The following LYRM1 variants were observed in gnomAD, a reference collection of about 807,000 sequenced individuals.
LYRM1 encodes LYR motif containing 1.
In LYRM1, 14 loss-of-function variants were observed where a neutral mutation model predicts 14.9. The observed-to-expected ratio is 0.94, with a 90% CI of 0.62 to 1.47. LYRM1 has a LOEUF of 1.47. Ranked by LOEUF, LYRM1 falls within the 40% of genes most tolerant of loss-of-function variation. LYRM1 has a pLI of 0.00. For synonymous variants in LYRM1, 43 were observed against 56.2 expected, an observed-to-expected ratio of 0.77 and a Z score of 1.05; for missense variants, 153 against 149.9, an observed-to-expected ratio of 1.02 and a Z score of -0.11.
At chr16:20,907,519 C>A (rs1224404884) in intron 1 of LYRM1, among the ~76,000 whole-genome samples, 1 of 152,088 alleles carries the variant, frequency 6.6e-6, no homozygotes, top group Non-Finnish European at 1.5e-5. Context: ...AGCCACCATG[C>A]CTGGCTAATG....
intron 1 of LYRM1, among the ~76,000 whole-genome samples, chr16:20,915,190 C>T (rs2082810516): frequency 6.6e-6 from 1 of 152,182 alleles, no homozygotes; most frequent in Non-Finnish European, 1.5e-5. Flanking sequence ...AACTGTACAT[C>T]AGCTGGGCAC....
At chr16:20,903,090 C>T (rs186074743) in intron 1 of LYRM1, among the ~76,000 whole-genome samples, 5 of 152,292 alleles carry the variant, frequency 3.3e-5, no homozygotes, top group Admixed American at 2.6e-4. Context: ...GAAGGGTTGG[C>T]CTAGATTTGA....
intron 1 of LYRM1, among the ~76,000 whole-genome samples, chr16:20,915,201 G>A (rs1596760089): frequency 2.0e-5 from 3 of 152,268 alleles, no homozygotes; most frequent in Admixed American, 1.3e-4. Context: ...AGCTGGGCAC[G>A]GTGGCTCACG....
At chr16:20,907,323 C>T (rs2082371643) in intron 1 of LYRM1, among the ~76,000 whole-genome samples, 1 of 152,136 alleles carries the variant, frequency 6.6e-6, no homozygotes, top group Non-Finnish European at 1.5e-5. Context: ...GACCTGTGGC[C>T]CCTTTCCCAA....
At position 20,914,103 on chromosome 16, in the gene LYRM1, C is replaced by T. The variant is rs183952482; in HGVS notation, c.1-1453C>T. The stretch of plus-strand genomic sequence containing the variant: ...GATAACAGGCATGAGCCACTGCACC[C>T]GGCCAGTCATCAGAAAGATTTTTAA... On this transcript the variant is annotated intron_variant, in intron 1 of 3. Coordinates refer to ENST00000567954, the MANE Select transcript of LYRM1 (RefSeq NM_001128302.3). Among the ~76,000 whole-genome samples, 21 of 151,952 alleles carry T rather than the reference C, an allele frequency of 1.4e-4. No homozygotes were observed. In the East Asian group the frequency reaches 2.7e-3, roughly 20 times the overall value.
chr16:20,919,132 G>T (rs1277579649), intron 2 of LYRM1, among the ~76,000 whole-genome samples: 2 of 152,116 alleles, frequency 1.3e-5, no homozygotes, highest in Non-Finnish European at 2.9e-5. Flanking sequence ...TTTTCAGAAT[G>T]AACTTTTTAT....
chr16:20,920,925 T>C (rs1292640311), intron 3 of LYRM1, among the ~76,000 whole-genome samples: 1 of 109,594 alleles, frequency 9.1e-6, no homozygotes, highest in African/African-American at 3.0e-5. Flanking sequence ...TATATAAATT[T>C]AAAATAAAAA....
At position 20,915,578 on chromosome 16, in the gene LYRM1, A is replaced by T. The variant is rs756209285; in HGVS notation, c.23A>T (p.Glu8Val). MTTATRQEVLGLYRSIFR... is the reference protein window; with the variant it reads MTTATRQVVLGLYRSIFR... ...AAGATGACAACGGCAACACGACAAG[A>T]AGTCCTTGGCCTCTACCGCAGCATT... Residue 8 changes from glutamate to valine, a missense_variant, in exon 2 of 4, where the codon GAA becomes GTA. Coordinates refer to ENST00000567954, the MANE Select transcript of LYRM1 (RefSeq NM_001128302.3). 1.4e-5 allele frequency: 22 copies of T among 1,613,976 alleles called. No homozygotes were observed. Among genetic ancestry groups the T allele is most frequent in the Non-Finnish European group, 1.8e-5 (21 of 1,180,010 alleles).
At position 20,924,398 on chromosome 16, in the gene LYRM1, T is replaced by C. The variant is rs187566351; in HGVS notation, c.*282T>C. ...CCTGTAGAAGGAAAGCGGAAGGATG[T>C]AAGAGCTGTTCATGGGAATTCCATT... On this transcript the variant is annotated 3_prime_UTR_variant, in exon 4 of 4. Coordinates refer to ENST00000567954, the MANE Select transcript of LYRM1 (RefSeq NM_001128302.3). 9.5e-4 allele frequency: 258 copies of C among 272,958 alleles called. No homozygotes were observed. The highest frequency in any genetic ancestry group is 1.6e-3 in the Non-Finnish European group (224 of 143,144). The allele number at this position is 272,958 out of a possible 1,614,324, so 16.9% of individuals were successfully genotyped here. A position where few individuals can be genotyped will look rare whatever the true frequency, so the allele number is the denominator to read the frequency against.
At chr16:20,905,238 G>A (rs543535585) in intron 1 of LYRM1, among the ~76,000 whole-genome samples, 15 of 152,248 alleles carry the variant, frequency 9.9e-5, no homozygotes, top group African/African-American at 3.6e-4. Context: ...GCTAAGTGAT[G>A]TTACATGGAT....
chr16:20,916,095 A>G (rs2082883761), intron 2 of LYRM1, among the ~76,000 whole-genome samples: 1 of 130,380 alleles, frequency 7.7e-6, no homozygotes, highest in African/African-American at 2.7e-5. Flanking sequence ...TTTTTTTTCA[A>G]TTCATAAACT....
chr16:20,916,070 G>C (rs2082878457), intron 2 of LYRM1, among the ~76,000 whole-genome samples: 1 of 151,454 alleles, frequency 6.6e-6, no homozygotes, highest in South Asian at 2.1e-4. Flanking sequence ...GTGGTTTTTT[G>C]TTGTTGTTGT....
intron 1 of LYRM1, among the ~76,000 whole-genome samples, chr16:20,907,182 G>A (rs2082364404): frequency 6.6e-6 from 1 of 151,954 alleles, no homozygotes; most frequent in Admixed American, 6.6e-5. Flanking sequence ...TTGATATACA[G>A]TGTATTTAAA....
intron 1 of LYRM1, among the ~76,000 whole-genome samples, chr16:20,914,869 A>G (rs2082794651): frequency 6.6e-6 from 1 of 152,232 alleles, no homozygotes; most frequent in Non-Finnish European, 1.5e-5. Flanking sequence ...TAACCAGTGG[A>G]TTAAATTCCA....
chr16:20,906,817 A>G lies in LYRM1; in HGVS notation c.-1+5928A>G, dbSNP rs184300646. ...CACAGTGGATGAGGCCCCTCATACC[A>G]GCAGATCTTTCCATAGTCCTCCTGT... On this transcript the variant is annotated intron_variant, in intron 1 of 3. Coordinates refer to ENST00000567954, the MANE Select transcript of LYRM1 (RefSeq NM_001128302.3). 9.1e-4 allele frequency among the ~76,000 whole-genome samples: 139 copies of G among 152,320 alleles called. 1 individual carries two copies. The East Asian group carries it at 0.022, about 24-fold the overall frequency.
chr16:20,911,907 T>C (rs996507565), intron 1 of LYRM1, among the ~76,000 whole-genome samples: 1 of 151,976 alleles, frequency 6.6e-6, no homozygotes, highest in African/African-American at 2.4e-5. Flanking sequence ...CTGAAGTTTT[T>C]AAATAAGTTG....
intron 1 of LYRM1, among the ~76,000 whole-genome samples, chr16:20,902,134 TCA>T (rs1374380841): frequency 6.6e-6 from 1 of 152,114 alleles, no homozygotes; most frequent in Non-Finnish European, 1.5e-5. Flanking sequence ...AGGCCCTCAG[TCA>T]CAGTGGAAAT....
upstream of LYRM1, chr16:20,900,042 C>G (rs1019163166): frequency 6.6e-6 from 1 of 152,300 alleles, no homozygotes; most frequent in African/African-American, 2.4e-5. Flanking sequence ...ACGCCACAGG[C>G]TCCCCTCACA....
intron 2 of LYRM1, among the ~76,000 whole-genome samples, chr16:20,919,178 A>C (rs2083060047): frequency 6.6e-6 from 1 of 152,170 alleles, no homozygotes; most frequent in South Asian, 2.1e-4. Flanking sequence ...TGATTTGACT[A>C]TTTTGGAATT....
Sources: gnomAD v4.1 joint callset for allele counts (sites outside exome capture counted in the v4.1 genomes callset) on GRCh38, gnomAD v4.1.1 for gene constraint, MANE v1.5 for transcripts, NCBI Gene and HGNC (gene_info 2026-07-23, HGNC 2026-07-21) for gene names.